NRXN1: variants seen among roughly 807,000 people sequenced by gnomAD.
NRXN1 encodes neurexin 1.
Under a neutral mutation model 150.9 loss-of-function variants are expected in NRXN1, and 39 were observed. The ratio of observed to expected loss-of-function variants is 0.26; its 90% CI spans 0.20 to 0.34. The LOEUF is 0.34. Among genes scored for constraint, NRXN1 ranks in the 10% least tolerant of loss-of-function variants. NRXN1 has a pLI of 1.00. For missense variants in NRXN1, 1,815 were observed against 1,949.9 expected (o/e 0.93, Z 1.30); for synonymous variants, 924 against 757.0 (o/e 1.22, Z -3.62).
At chr2:50,170,183 G>A (rs1038079741) in intron 18 of NRXN1, among the ~76,000 whole-genome samples, 1 of 151,514 alleles carries the variant, frequency 6.6e-6, no homozygotes, top group Non-Finnish European at 1.5e-5. Flanking sequence ...ACTCAAACTG[G>A]TTGAGCACCC....
chr2:50,767,638 T>A (rs1291671598), intron 5 of NRXN1, among the ~76,000 whole-genome samples: 1 of 152,098 alleles, frequency 6.6e-6, no homozygotes, highest in Non-Finnish European at 1.5e-5. Context: ...TCTCTGTAAG[T>A]ATTATAATGC....
At chr2:50,406,308 A>G (rs2082745973) in intron 17 of NRXN1, among the ~76,000 whole-genome samples, 1 of 152,178 alleles carries the variant, frequency 6.6e-6, no homozygotes, top group African/African-American at 2.4e-5. Flanking sequence ...AAAGGGGAAA[A>G]AAAAGAATAA....
At chr2:50,103,817 A>G (rs1306588880) in intron 18 of NRXN1, among the ~76,000 whole-genome samples, 1 of 151,978 alleles carries the variant, frequency 6.6e-6, no homozygotes, top group Non-Finnish European at 1.5e-5. Flanking sequence ...CAGTAAAGAC[A>G]GCCGAAGGAA....
At chr2:50,845,602 G>A (rs1673527539) in intron 5 of NRXN1, among the ~76,000 whole-genome samples, 1 of 152,096 alleles carries the variant, frequency 6.6e-6, no homozygotes, top group African/African-American at 2.4e-5. Flanking sequence ...GTTCAGATTA[G>A]GAACCTCACC....
At chr2:50,445,802 A>G (rs1424809803) in intron 17 of NRXN1, among the ~76,000 whole-genome samples, 1 of 152,150 alleles carries the variant, frequency 6.6e-6, no homozygotes, top group Non-Finnish European at 1.5e-5. Context: ...ACCTGTGGCA[A>G]TATTTCTACC....
At chr2:50,266,007 T>TTA (rs2068818194) in intron 17 of NRXN1, among the ~76,000 whole-genome samples, 4 of 109,758 alleles carry the variant, frequency 3.6e-5, no homozygotes, top group South Asian at 2.6e-4. Context: ...TATTTATTTT[T>TTA]TTTTTTTTTG....
At chr2:50,154,887 A>G (rs1355543491) in intron 18 of NRXN1, among the ~76,000 whole-genome samples, 1 of 151,646 alleles carries the variant, frequency 6.6e-6, no homozygotes, top group African/African-American at 2.4e-5. Context: ...AAGCATTTAA[A>G]TGTAAGCATT....
At chr2:50,671,350 AT>A (rs547047587) in intron 5 of NRXN1, among the ~76,000 whole-genome samples, 3 of 151,330 alleles carry the variant, frequency 2.0e-5, no homozygotes, top group Non-Finnish European at 3.0e-5. Flanking sequence ...CAGAAAATAC[AT>A]TTTTTTTCTG....
chr2:50,509,612 C>T lies in NRXN1; in HGVS notation c.2375-2995G>A, dbSNP rs145804279. On this transcript the variant is annotated intron_variant, in intron 12 of 22. Coordinates refer to ENST00000401669, the MANE Select transcript of NRXN1 (RefSeq NM_001330078.2). ...ACTTTCTCACAGAATTTAACATATA[C>T]AAACTTGTTAAAGAAAGATGGTTTA... 3.9e-3 allele frequency among the ~76,000 whole-genome samples: 593 copies of T among 152,224 alleles called. 5 individuals carry two copies. The highest frequency in any genetic ancestry group is 0.014 in the African/African-American group (570 of 41,538).
chr2:50,281,369 C>A (rs2071439967), intron 17 of NRXN1, among the ~76,000 whole-genome samples: 1 of 151,820 alleles, frequency 6.6e-6, no homozygotes, highest in Admixed American at 6.6e-5. Flanking sequence ...GGCAACATCA[C>A]AACTTTGTTC....
chr2:50,581,875 G>C (rs965114518), intron 8 of NRXN1, among the ~76,000 whole-genome samples: 6 of 152,186 alleles, frequency 3.9e-5, no homozygotes, highest in Non-Finnish European at 8.8e-5. Context: ...TATATGCCAT[G>C]TATATAAACT....
chr2:50,210,242 C>T (rs1462314230), intron 18 of NRXN1, among the ~76,000 whole-genome samples: 1 of 151,794 alleles, frequency 6.6e-6, no homozygotes, highest in East Asian at 1.9e-4. Context: ...ATTAAGAATT[C>T]ATTATAAAAA....
At chr2:50,981,556 C>CCTATTAATTTTTTA (rs1696817404) in intron 2 of NRXN1, among the ~76,000 whole-genome samples, 1 of 149,434 alleles carries the variant, frequency 6.7e-6, no homozygotes, top group Admixed American at 6.7e-5. Context: ...ATTTGTATTA[C>CCTATTAATTTTTTA]GTATTAATTT....
intron 5 of NRXN1, among the ~76,000 whole-genome samples, chr2:50,866,363 G>A (rs896632257): frequency 6.6e-6 from 1 of 151,748 alleles, no homozygotes; most frequent in Non-Finnish European, 1.5e-5. Context: ...ACTATCTTAC[G>A]ACAGCTTTTT....
intron 5 of NRXN1, among the ~76,000 whole-genome samples, chr2:50,673,601 G>T (rs1225063104): frequency 6.6e-6 from 1 of 151,950 alleles, no homozygotes. Flanking sequence ...GATGCTTCAG[G>T]GTGGTTGCTT....
intron 5 of NRXN1, among the ~76,000 whole-genome samples, chr2:50,888,009 G>A (rs917590956): frequency 6.7e-6 from 1 of 150,370 alleles, no homozygotes; most frequent in Admixed American, 6.7e-5. Flanking sequence ...ATAATCAGTG[G>A]TATTTTCATT....
Position 50,270,766 on chromosome 2 carries a change from T to A in NRXN1, c.3365-33796A>T, listed in dbSNP as rs189423743. On this transcript the variant is annotated intron_variant, in intron 17 of 22. Coordinates refer to ENST00000401669, the MANE Select transcript of NRXN1 (RefSeq NM_001330078.2). ...CTCACTGCAACCTCCACCTCCCGGGTTCAAGCAATTCTCCTGCCTCAGCTT... is the reference window on the plus strand; with the variant it reads ...CTCACTGCAACCTCCACCTCCCGGGATCAAGCAATTCTCCTGCCTCAGCTT... 6.6e-5 allele frequency among the ~76,000 whole-genome samples: 10 copies of A among 151,066 alleles called. No individual in the cohort carries two copies. The Admixed American group carries it at 6.6e-4, about 10-fold the overall frequency.
intron 21 of NRXN1, among the ~76,000 whole-genome samples, chr2:49,991,568 C>A (rs1200686327): frequency 6.6e-6 from 1 of 152,006 alleles, no homozygotes; most frequent in Non-Finnish European, 1.5e-5. Context: ...AGGAGAACTA[C>A]AAAACCTTGA....
chr2:50,904,341 T>C (rs1683363216), intron 5 of NRXN1, among the ~76,000 whole-genome samples: 1 of 152,182 alleles, frequency 6.6e-6, no homozygotes. Flanking sequence ...CTCTTTCTAC[T>C]AGGTCTTGAA....
Sources: allele counts gnomAD v4.1 joint callset (sites outside exome capture counted in the v4.1 genomes callset), GRCh38; gene constraint gnomAD v4.1.1; transcripts MANE v1.5; gene names NCBI Gene and HGNC (gene_info 2026-07-23, HGNC 2026-07-21).